RARB: variants seen among roughly 807,000 people sequenced by gnomAD.
RARB encodes the protein retinoic acid receptor beta, also known as HBV-activated protein.
In RARB, 17 loss-of-function variants were observed where a neutral mutation model predicts 51.9. The observed-to-expected ratio is 0.33, with a 90% confidence interval of 0.22 to 0.49. RARB has a LOEUF of 0.49. Ranked by LOEUF, RARB falls within the 20% of genes least tolerant of loss-of-function variation. RARB has a pLI of 0.99. For synonymous variants in RARB, 215 were observed against 195.4 expected, an observed-to-expected ratio of 1.10 and a Z score of -0.84; for missense variants, 369 against 550.8, an observed-to-expected ratio of 0.67 and a Z score of 3.30.
intron 3 of RARB, among the ~76,000 whole-genome samples, chr3:25,125,519 G>A (rs898792841): frequency 6.6e-6 from 1 of 152,194 alleles, no homozygotes; most frequent in East Asian, 1.9e-4. Flanking sequence ...TTGATGTTCA[G>A]TTGGGTAGGC....
chr3:24,962,507 C>T (rs1171750770), intron 2 of RARB, among the ~76,000 whole-genome samples: 1 of 152,190 alleles, frequency 6.6e-6, no homozygotes, highest in Non-Finnish European at 1.5e-5. Flanking sequence ...AATCCCCGGG[C>T]CACAGACCGA....
intron 5 of RARB, among the ~76,000 whole-genome samples, chr3:25,183,779 T>C (rs1162324617): frequency 6.6e-6 from 1 of 152,208 alleles, no homozygotes; most frequent in Non-Finnish European, 1.5e-5. Context: ...AACAGTCAAA[T>C]TGTAACGATT....
At chr3:25,323,228 T>G (rs746218767) in intron 5 of RARB, among the ~76,000 whole-genome samples, 9 of 152,190 alleles carry the variant, frequency 5.9e-5, no homozygotes, top group Non-Finnish European at 8.8e-5. Context: ...GTCACCACAT[T>G]CTGCTGGTCA....
At chr3:25,428,257 T>G (rs781366177), upstream of RARB, 19 of 1,232,800 alleles carry the variant, frequency 1.5e-5, no homozygotes, top group Non-Finnish European at 1.9e-5. Context: ...CAATCTTTCA[T>G]TCTGTGTGAC....
chr3:25,107,580 C>T (rs1217975313), intron 3 of RARB, among the ~76,000 whole-genome samples: 1 of 152,000 alleles, frequency 6.6e-6, no homozygotes, highest in Non-Finnish European at 1.5e-5. Context: ...ATTTCAAGAC[C>T]CCCAGTGGAT....
intron 2 of RARB, among the ~76,000 whole-genome samples, chr3:24,885,917 A>G (rs964966465): frequency 2.0e-5 from 3 of 152,194 alleles, no homozygotes; most frequent in Non-Finnish European, 4.4e-5. Context: ...ACATTGCTCT[A>G]TATTTCTGTT....
intron 2 of RARB, among the ~76,000 whole-genome samples, chr3:24,942,455 G>A (rs542949237): frequency 9.7e-4 from 148 of 152,214 alleles, no homozygotes; most frequent in African/African-American, 3.4e-3. Context: ...GAGTAATGTC[G>A]GTGTTAAGAG....
intron 4 of RARB, among the ~76,000 whole-genome samples, chr3:25,135,654 A>C (rs759000759): frequency 6.6e-6 from 1 of 152,072 alleles, no homozygotes; most frequent in South Asian, 2.1e-4. Flanking sequence ...GTGAGAAGAC[A>C]TAGCTAAATG....
Position 25,177,329 on chromosome 3 carries a change from G to A in RARB, c.178+2754G>A, listed in dbSNP as rs114471332. Among the ~76,000 whole-genome samples, 1,011 of 152,306 alleles carry A rather than the reference G, an allele frequency of 6.6e-3. 8 individuals are homozygous for A. The highest frequency in any genetic ancestry group is 0.022 in the African/African-American group (908 of 41,562). ...TTTAAGGTTTTTATCCATGTACTGA[G>A]ATTAGTAGGAAGGTAGCCAAATTCT... is the stretch of plus-strand genomic sequence containing the variant. On this transcript the variant is annotated intron_variant, in intron 5 of 11. Transcript: ENST00000383772.
chr3:24,884,937 CCA>C (rs1443816372), intron 2 of RARB, among the ~76,000 whole-genome samples: 12 of 152,022 alleles, frequency 7.9e-5, no homozygotes, highest in African/African-American at 2.7e-4. Context: ...CTTCTTTTCC[CCA>C]CACTCTCATA....
chr3:25,596,766 T>C lies in RARB; in HGVS notation c.*150T>C. On this transcript the variant is annotated 3_prime_UTR_variant, in exon 8 of 8. Coordinates refer to ENST00000330688, the MANE Select transcript of RARB (RefSeq NM_000965.5). ...CAAGAAGTTTTCATATGTATCAATA[T>C]ATATACTCCTCACTGTGTAACTTAC... The C allele has an allele frequency of 5.1e-6, 3 of 583,626 alleles. No homozygotes were observed. Among genetic ancestry groups the C allele is most frequent in the Non-Finnish European group, 8.5e-6 (3 of 353,640 alleles). The allele number at this position is 583,626 out of a possible 1,614,324, so 36.2% of individuals were successfully genotyped here. A position where few individuals can be genotyped will look rare whatever the true frequency, so the allele number is the denominator to read the frequency against.
chr3:25,205,570 C>G lies in RARB; in HGVS notation c.178+30995C>G, dbSNP rs577167707. ...TCGTATTCGGCCATCTTGGAACAAC[C>G]CACTGCAATGTTTTTAACCCAAAAA... On this transcript the variant is annotated intron_variant, in intron 5 of 11. Transcript: ENST00000383772. 2.6e-5 allele frequency among the ~76,000 whole-genome samples: 4 copies of G among 152,146 alleles called. No homozygotes were observed. In the South Asian group the frequency reaches 6.2e-4, roughly 24 times the overall value.
At chr3:25,424,929 G>C (rs140282531), upstream of RARB, among the ~76,000 whole-genome samples, 292 of 152,252 alleles carry the variant, frequency 1.9e-3, 1 homozygote, top group African/African-American at 6.5e-3. Flanking sequence ...ATAAATTTTT[G>C]TTTTATGATT....
chr3:25,219,055 C>G (rs753643460), intron 5 of RARB, among the ~76,000 whole-genome samples: 13 of 152,158 alleles, frequency 8.5e-5, no homozygotes, highest in Non-Finnish European at 1.5e-4. Context: ...TCCATTCATT[C>G]AACTATAAGT....
intron 5 of RARB, among the ~76,000 whole-genome samples, chr3:25,198,553 C>A (rs989485216): frequency 6.6e-5 from 10 of 151,958 alleles, no homozygotes; most frequent in Admixed American, 4.6e-4. Context: ...ATAAAAACAA[C>A]TCAATAGGAA....
chr3:25,342,270 CTATG>C (rs1402999955), intron 5 of RARB, among the ~76,000 whole-genome samples: 1 of 152,200 alleles, frequency 6.6e-6, no homozygotes, highest in African/African-American at 2.4e-5. Flanking sequence ...CTAATAAACT[CTATG>C]TATAACATTT....
chr3:25,136,756 G>C (rs1176007408), intron 4 of RARB, among the ~76,000 whole-genome samples: 1 of 151,996 alleles, frequency 6.6e-6, no homozygotes, highest in Non-Finnish European at 1.5e-5. Context: ...AAAGGATGGG[G>C]GGAGAGTTTG....
At chr3:24,962,530 G>A (rs1311556158) in intron 2 of RARB, among the ~76,000 whole-genome samples, 3 of 152,166 alleles carry the variant, frequency 2.0e-5, no homozygotes, top group African/African-American at 4.8e-5. Flanking sequence ...CCAGTCCATG[G>A]CCTTTAGGAA....
chr3:25,582,484 T>G (rs868111469), intron 5 of RARB, among the ~76,000 whole-genome samples: 14 of 152,088 alleles, frequency 9.2e-5, no homozygotes, highest in Middle Eastern at 3.4e-3. Flanking sequence ...GCTTGTTTCT[T>G]AATCCTTCTT....
Sources: allele counts gnomAD v4.1 joint callset (sites outside exome capture counted in the v4.1 genomes callset), GRCh38; gene constraint gnomAD v4.1.1; transcripts MANE v1.5; gene names NCBI Gene and HGNC (gene_info 2026-07-23, HGNC 2026-07-21).